The following GINM1 variants were observed in gnomAD, a reference collection of about 807,000 sequenced individuals.
The protein encoded by GINM1 is glycoprotein integral membrane protein 1.
Under a neutral mutation model 37.8 loss-of-function variants are expected in GINM1, and 29 were observed. The ratio of observed to expected loss-of-function variants is 0.77; its 90% CI spans 0.57 to 1.05. GINM1 has a LOEUF of 1.05. GINM1 is among the 50% of genes least tolerant of loss of function. The pLI is 0.00. For missense variants in GINM1, 377 were observed against 397.9 expected (o/e 0.95, Z 0.45); for synonymous variants, 143 against 146.2 (o/e 0.98, Z 0.16).
chr6:149,584,303 T>C (rs535042607), intron 7 of GINM1: 1 of 152,220 alleles, frequency 6.6e-6, no homozygotes, highest in Non-Finnish European at 1.5e-5. Context: ...TTTAATTATC[T>C]TAACAGAAAC....
intron 7 of GINM1, among the ~76,000 whole-genome samples, chr6:149,586,724 C>T (rs988003201): frequency 6.6e-6 from 1 of 151,778 alleles, no homozygotes; most frequent in Non-Finnish European, 1.5e-5. Context: ...CTTTTTTGTC[C>T]CCTTAGTTAT....
At position 149,573,638 on chromosome 6, in the gene GINM1, C is replaced by T. The variant is rs138721904; in HGVS notation, c.277+1035C>T. 3.8e-3 allele frequency among the ~76,000 whole-genome samples: 573 copies of T among 152,108 alleles called. 3 individuals are homozygous for T. Among genetic ancestry groups the T allele is most frequent in the Middle Eastern group, 0.021 (6 of 292 alleles). ...GCTCTAGCACTTTGGGAGGCTGAGGCGGGTGAACTGCCTGAGCCCTGAGTT... is the reference window on the plus strand; with the variant it reads ...GCTCTAGCACTTTGGGAGGCTGAGGTGGGTGAACTGCCTGAGCCCTGAGTT... On this transcript the variant is annotated intron_variant, in intron 3 of 7. Coordinates refer to ENST00000367419, the MANE Select transcript of GINM1 (RefSeq NM_138785.5).
intron 7 of GINM1, among the ~76,000 whole-genome samples, chr6:149,585,356 T>C (rs942021075): frequency 6.6e-6 from 1 of 152,206 alleles, no homozygotes; most frequent in Non-Finnish European, 1.5e-5. Context: ...GAGGTAGTCA[T>C]TGTCAACTGA....
In GINM1 at chr6:149,589,755, AT is replaced by A. The variant is rs1305434012; in HGVS notation, c.882-969del. 2.0e-5 allele frequency among the ~76,000 whole-genome samples: 3 copies of A among 152,090 alleles called. No individual in the cohort carries two copies. In the East Asian group the frequency reaches 5.8e-4, roughly 29 times the overall value. ...GGACTGTTTTCTGTCCTAGTGATCT[AT>A]TTGTCTATTCCTGTGCCAGTAGCAC... On this transcript the variant is annotated intron_variant, in intron 7 of 7. Transcript: ENST00000367419.
chr6:149,587,155 A>G (rs1177193333), intron 7 of GINM1, among the ~76,000 whole-genome samples: 2 of 152,206 alleles, frequency 1.3e-5, no homozygotes, highest in Non-Finnish European at 2.9e-5. Context: ...ATAGTTCTAA[A>G]GGAGATAGGA....
intron 3 of GINM1, chr6:149,576,371 G>A (rs1396112668): frequency 6.6e-6 from 1 of 152,198 alleles, no homozygotes; most frequent in Admixed American, 6.5e-5. Flanking sequence ...AAGAAAAAGA[G>A]TACTAGCAAG....
intron 3 of GINM1, among the ~76,000 whole-genome samples, chr6:149,577,875 C>T (rs1399864393): frequency 2.6e-5 from 4 of 152,120 alleles, no homozygotes; most frequent in Admixed American, 2.6e-4. Context: ...CTCTGTAAAC[C>T]AGCTGCAGCT....
intron 3 of GINM1, among the ~76,000 whole-genome samples, chr6:149,575,483 C>G (rs1777900469): frequency 6.6e-6 from 1 of 152,234 alleles, no homozygotes; most frequent in Non-Finnish European, 1.5e-5. Flanking sequence ...TCGTTGCTTT[C>G]TACTCAGCTT....
In GINM1 at chr6:149,566,461, T is replaced by G; in HGVS notation, c.47T>G (p.Phe16Cys). ...TCGCTCGCCCTCCGGCTCCTGCTGT[T>G]CGTGGCGCTACCCGCCTCCGGCTGG... is the stretch of plus-strand genomic sequence containing the variant. ...PGSLALRLLL[F>C]VALPASGWLT... Residue 16 changes from phenylalanine (F) to cysteine (C), a missense_variant, in exon 1 of 8, where the codon TTC becomes TGC. Physicochemically the swap from Phe to Cys is radical, Grantham distance 205. Transcript: ENST00000367419. The surrounding 1 kb of genome is among the most constrained non-coding windows in gnomAD (Gnocchi z 4.4). 1 of 1,572,608 alleles carries G rather than the reference T, an allele frequency of 6.4e-7. No individual in the cohort carries two copies.
intron 7 of GINM1, among the ~76,000 whole-genome samples, chr6:149,588,384 T>C (rs922270092): frequency 6.6e-6 from 1 of 152,246 alleles, no homozygotes; most frequent in Non-Finnish European, 1.5e-5. Flanking sequence ...GTTGGCATTT[T>C]GTAACTATTA....
rs200356862 is a variant in GINM1 at position 149,578,901 on chromosome 6, G to T, written c.357G>T (p.Trp119Cys). The T allele has an allele frequency of 2.2e-5, 35 of 1,602,758 alleles. No homozygotes were observed. The highest frequency in any genetic ancestry group is 2.9e-5 in the Non-Finnish European group (34 of 1,170,476). The change falls in exon 4 of 8, where the codon TGG becomes TGT. Residue 119 changes from tryptophan to cysteine, a missense_variant. Coordinates refer to ENST00000367419, the MANE Select transcript of GINM1 (RefSeq NM_138785.5). ...GTGTAAGGATTTTAGTTCATGAGTG[G>T]CCTATGACATCTGGTTCCAGTTTGC... ...IVSVRILVHE[W>C]PMTSGSSLQL...
chr6:149,589,445 G>A (rs1291998328), intron 7 of GINM1, among the ~76,000 whole-genome samples: 2 of 150,620 alleles, frequency 1.3e-5, no homozygotes, highest in East Asian at 4.0e-4. Context: ...GCTAATTTAT[G>A]TATTTTTAGT....
At chr6:149,584,759 A>G (rs1327600576) in intron 7 of GINM1, among the ~76,000 whole-genome samples, 1 of 150,596 alleles carries the variant, frequency 6.6e-6, no homozygotes, top group Non-Finnish European at 1.5e-5. Flanking sequence ...TTTCCTTTGC[A>G]TATATGGAAA....
In GINM1 at chr6:149,591,084, G is replaced by C. The variant is rs1436766255; in HGVS notation, c.*246G>C. 6.1e-6 allele frequency: 2 copies of C among 326,986 alleles called. No individual in the cohort carries two copies. Among genetic ancestry groups the C allele is most frequent in the Non-Finnish European group, 1.1e-5 (2 of 179,402 alleles). 20.3% of individuals were successfully genotyped at this position (326,986 alleles called of 1,614,324 possible). A position where few individuals can be genotyped will look rare whatever the true frequency, so the allele number is the denominator to read the frequency against. On this transcript the variant is annotated 3_prime_UTR_variant, in exon 8 of 8. Coordinates refer to ENST00000367419, the MANE Select transcript of GINM1 (RefSeq NM_138785.5). The stretch of plus-strand genomic sequence containing the variant: ...CCAATGCGGGCGGATCACGAGGTCA[G>C]ATCAAGACCATCCTGCCAACATGGT...
In GINM1 at chr6:149,590,818, G is replaced by A; in HGVS notation, c.973G>A (p.Glu325Lys). ...TCCAGAGAAAAGAGCTGAAAACCTT[G>A]AAGATAAAACATGTATTTAAAACGC... ...DGPEKRAENL[E>K]DKTCI The change falls in exon 8 of 8, where the codon GAA becomes AAA. Residue 325 changes from glutamate to lysine, a missense_variant. By Grantham distance (56) the Glu-to-Lys change is moderately conservative. Transcript: ENST00000367419. 6.3e-7 allele frequency: 1 copy of A among 1,581,080 alleles called. No homozygotes were observed. The highest frequency in any genetic ancestry group is 8.7e-7 in the Non-Finnish European group (1 of 1,150,778).
intron 3 of GINM1, among the ~76,000 whole-genome samples, chr6:149,577,087 G>A (rs985860137): frequency 2.6e-5 from 4 of 152,192 alleles, no homozygotes; most frequent in African/African-American, 9.6e-5. Context: ...TGCCCCCATG[G>A]CCCAAACATC....
At chr6:149,590,120 A>G (rs906761940) in intron 7 of GINM1, among the ~76,000 whole-genome samples, 1 of 152,192 alleles carries the variant, frequency 6.6e-6, no homozygotes, top group Non-Finnish European at 1.5e-5. Flanking sequence ...ATGTTTTAAT[A>G]AAACCTTTGA....
Position 149,572,596 on chromosome 6 carries a change from T to C in GINM1, c.270T>C (p.Thr90=), listed in dbSNP as rs1373395288. ...GTGTAACCCGAATAAGCTGTCAGAC[T>C]TTGATAGGTGAGTATTACTAAATTA... ...NSGVTRISCQ[T]LIVKNENLEN... The change falls in exon 3 of 8, where the codon ACT becomes ACC. Residue 90 remains threonine (T), a synonymous_variant. Transcript: ENST00000367419. 3 of 1,545,754 alleles carry C rather than the reference T, an allele frequency of 1.9e-6. No homozygotes were observed. The South Asian group carries it at 3.4e-5, about 17-fold the overall frequency.
At chr6:149,574,757 A>G (rs1777889615) in intron 3 of GINM1, among the ~76,000 whole-genome samples, 2 of 152,142 alleles carry the variant, frequency 1.3e-5, no homozygotes, top group African/African-American at 2.4e-5. Context: ...TTTCCCAGCT[A>G]CTTAGGAGGC....
Sources: gnomAD v4.1 joint callset for allele counts (sites outside exome capture counted in the v4.1 genomes callset) on GRCh38, gnomAD v4.1.1 for gene constraint, Gnocchi (gnomAD v3.1) non-coding constraint, MANE v1.5 for transcripts, NCBI Gene and HGNC (gene_info 2026-07-23, HGNC 2026-07-21) for gene names.